Variants in GTF2IRD1 observed in about 807,000 individuals in gnomAD.
GTF2IRD1 encodes the protein general transcription factor II-I repeat domain-containing protein 1.
In GTF2IRD1, 26 loss-of-function variants were observed where a neutral mutation model predicts 113.2. That is an observed-to-expected ratio of 0.23 (90% CI 0.17 to 0.32). The LOEUF is 0.32. Among genes scored for constraint, GTF2IRD1 ranks in the 10% least tolerant of loss-of-function variants. The pLI is 1.00. For synonymous variants in GTF2IRD1, 484 were observed against 529.1 expected (o/e 0.91, Z 1.17); for missense variants, 864 against 1,280.8 (o/e 0.67, Z 4.97).
chr7:74,546,697 T>C (rs1798963515), intron 16 of GTF2IRD1, among the ~76,000 whole-genome samples: 1 of 152,224 alleles, frequency 6.6e-6, no homozygotes, highest in African/African-American at 2.4e-5. Flanking sequence ...CGTGTGGGGT[T>C]GCTTATGGTG....
chr7:74,465,663 CAG>C (rs1179584562), intron 1 of GTF2IRD1, among the ~76,000 whole-genome samples: 2 of 152,188 alleles, frequency 1.3e-5, no homozygotes, highest in African/African-American at 4.8e-5. Context: ...CTCCCCCAGA[CAG>C]TGAACCTTGG....
At chr7:74,465,308 T>G (rs1281270985) in intron 1 of GTF2IRD1, among the ~76,000 whole-genome samples, 1 of 152,106 alleles carries the variant, frequency 6.6e-6, no homozygotes, top group Non-Finnish European at 1.5e-5. Context: ...AGATATTCTC[T>G]TCTCAGCATA....
rs147461026 is a variant in GTF2IRD1, at chr7:74,594,677, G to A, written c.2592-337G>A. On this transcript the variant is annotated intron_variant, in intron 24 of 26. Coordinates refer to ENST00000424337, the MANE Select transcript of GTF2IRD1 (RefSeq NM_005685.4). ...ACAGCCAGACACCTGGATTCTCCGG[G>A]CGCGATGGCTCATGCCTGTATCCCA... is the stretch of plus-strand genomic sequence containing the variant. Among the ~76,000 whole-genome samples the A allele has an allele frequency of 3.3e-4, 50 of 152,274 alleles. 2 individuals carry two copies. In the East Asian group the frequency reaches 7.9e-3, roughly 24 times the overall value.
chr7:74,557,566 T>C, intron 19 of GTF2IRD1, 73 bp from the exon 20 acceptor site: 1 of 1,004,014 alleles, frequency 1.0e-6, no homozygotes, highest in Admixed American at 2.1e-5. Flanking sequence ...AATTAGAAAA[T>C]CATCTTCCTT....
At chr7:74,573,039 C>T (rs1800785129) in intron 22 of GTF2IRD1, among the ~76,000 whole-genome samples, 1 of 152,044 alleles carries the variant, frequency 6.6e-6, no homozygotes, top group Non-Finnish European at 1.5e-5. Flanking sequence ...TAGCTGGGGT[C>T]ATTGCAACAC....
chr7:74,584,831 C>T (rs1415720073), intron 22 of GTF2IRD1, among the ~76,000 whole-genome samples: 2 of 152,110 alleles, frequency 1.3e-5, no homozygotes, highest in East Asian at 3.9e-4. Context: ...GATGAAGTCT[C>T]GCTCTTGTCC....
intron 19 of GTF2IRD1, among the ~76,000 whole-genome samples, chr7:74,557,214 T>C (rs183931913): frequency 2.2e-4 from 33 of 152,262 alleles, no homozygotes; most frequent in African/African-American, 7.9e-4. Flanking sequence ...CCATCCCCTG[T>C]GTCTGTGGGG....
chr7:74,530,021 T>A (rs1005118645), intron 9 of GTF2IRD1, 104 bp downstream of exon 9: 5 of 774,532 alleles, frequency 6.5e-6, no homozygotes, highest in South Asian at 5.1e-5. Context: ...ACCAGCCTGG[T>A]CAACATGGCA....
chr7:74,542,842 C>T (rs1554352157), intron 14 of GTF2IRD1, among the ~76,000 whole-genome samples: 1 of 152,218 alleles, frequency 6.6e-6, no homozygotes, highest in Non-Finnish European at 1.5e-5. Flanking sequence ...GGTGGCACTG[C>T]AGGGGTTGGG....
intron 22 of GTF2IRD1, among the ~76,000 whole-genome samples, chr7:74,588,879 G>A (rs1195352488): frequency 1.3e-5 from 2 of 152,134 alleles, no homozygotes; most frequent in Non-Finnish European, 1.5e-5. Context: ...GGTCTCCCCA[G>A]ACTTGCCCAC....
intron 22 of GTF2IRD1, among the ~76,000 whole-genome samples, chr7:74,585,991 A>C (rs1554367628): frequency 6.6e-6 from 1 of 151,766 alleles, no homozygotes; most frequent in Admixed American, 6.6e-5. Flanking sequence ...GACACAGAGT[A>C]CTCCTGGTGC....
At chr7:74,576,379 G>A (rs938829705) in intron 22 of GTF2IRD1, among the ~76,000 whole-genome samples, 1 of 151,002 alleles carries the variant, frequency 6.6e-6, no homozygotes, top group African/African-American at 2.4e-5. Context: ...TGGCCAACGT[G>A]GTAAAACCCC....
intron 1 of GTF2IRD1, among the ~76,000 whole-genome samples, chr7:74,456,094 G>C (rs1346156117): frequency 6.6e-6 from 1 of 152,202 alleles, no homozygotes; most frequent in Non-Finnish European, 1.5e-5. Flanking sequence ...AGCCCGGCTA[G>C]CCTTCTGATG....
chr7:74,457,026 CTG>C (rs1260136296), intron 1 of GTF2IRD1, among the ~76,000 whole-genome samples: 8 of 152,018 alleles, frequency 5.3e-5, no homozygotes, highest in Admixed American at 5.2e-4. Flanking sequence ...CAGTCTTGCT[CTG>C]TGCCCAGGCT....
At chr7:74,484,276 A>G (rs1029805973) in intron 1 of GTF2IRD1, among the ~76,000 whole-genome samples, 1 of 151,966 alleles carries the variant, frequency 6.6e-6, no homozygotes, top group Non-Finnish European at 1.5e-5. Flanking sequence ...GCCTAACATG[A>G]TGGTCTTTTT....
At chr7:74,535,245 G>A (rs2130529385) in intron 10 of GTF2IRD1, 107 bp downstream of exon 10, 3 of 848,744 alleles carry the variant, frequency 3.5e-6, no homozygotes, top group African/African-American at 1.7e-5. Flanking sequence ...CTCCCCTCAG[G>A]CAGGGAGGGA....
chr7:74,534,745 G>C (rs587649790), intron 9 of GTF2IRD1, among the ~76,000 whole-genome samples: 1 of 149,464 alleles, frequency 6.7e-6, no homozygotes, highest in South Asian at 2.1e-4. Context: ...TTAGATTAAA[G>C]TACAACAATT....
intron 17 of GTF2IRD1, among the ~76,000 whole-genome samples, chr7:74,549,194 T>A (rs1313987054): frequency 6.6e-6 from 1 of 150,498 alleles, no homozygotes; most frequent in African/African-American, 2.5e-5. Flanking sequence ...CTCCCTGTCA[T>A]CAGGAGACTG....
intron 22 of GTF2IRD1, among the ~76,000 whole-genome samples, chr7:74,577,122 C>T (rs1801122210): frequency 6.6e-6 from 1 of 152,006 alleles, no homozygotes; most frequent in South Asian, 2.1e-4. Flanking sequence ...ACTGCAAGCT[C>T]TGCCTCCTGA....
Sources: allele counts gnomAD v4.1 joint callset (sites outside exome capture counted in the v4.1 genomes callset), GRCh38; gene constraint gnomAD v4.1.1; transcripts MANE v1.5; gene names NCBI Gene and HGNC (gene_info 2026-07-23, HGNC 2026-07-21).